Variants in MGAT4C observed in about 807,000 individuals in gnomAD.
The protein encoded by MGAT4C is MGAT4 family member C, also known as alpha-1,3-mannosyl-glycoprotein 4-beta-N-acetylglucosaminyltransferase C.
MGAT4C carries 19 observed loss-of-function variants against 40.1 expected under a neutral mutation model. The ratio of observed to expected loss-of-function variants is 0.47; its 90% confidence interval spans 0.33 to 0.70. MGAT4C has a LOEUF of 0.70. MGAT4C is among the 30% of genes least tolerant of loss of function. The probability of loss-of-function intolerance (pLI) is 0.02; values close to 1 mark genes in which losing one functional copy is unlikely to be tolerated. For synonymous variants in MGAT4C, 181 were observed against 187.1 expected (o/e 0.97, Z 0.27); for missense variants, 491 against 563.2 (o/e 0.87, Z 1.30).
intron 3 of MGAT4C, among the ~76,000 whole-genome samples, chr12:86,349,271 T>C (rs1212137692): frequency 6.6e-6 from 1 of 152,182 alleles, no homozygotes. Context: ...TACCCTTTTG[T>C]GGTCAGTGAA....
intron 4 of MGAT4C, among the ~76,000 whole-genome samples, chr12:86,282,142 T>C (rs1245033088): frequency 6.6e-6 from 1 of 152,184 alleles, no homozygotes; most frequent in Admixed American, 6.6e-5. Flanking sequence ...TGCAAAAAGA[T>C]GTTTTGCCAT....
rs904011289 is a variant in MGAT4C, at chr12:86,234,260, C to T, written c.-57+21979G>A. ...ATTTGAAATAGTGATAGAACATTAT[C>T]TTAGACTAATGTAGAGCCAGCATTT... On this transcript the variant is annotated intron_variant, in intron 1 of 4. Coordinates refer to ENST00000611864, the MANE Select transcript of MGAT4C (RefSeq NM_001351288.2). 1.2e-4 allele frequency among the ~76,000 whole-genome samples: 19 copies of T among 152,144 alleles called. No homozygotes were observed. The East Asian group carries it at 3.7e-3, about 29-fold the overall frequency.
chr12:86,737,327 T>TA (rs1300155614), intron 1 of MGAT4C, among the ~76,000 whole-genome samples: 1 of 143,966 alleles, frequency 6.9e-6, no homozygotes, highest in African/African-American at 2.5e-5. Flanking sequence ...TTGATGAGTC[T>TA]AGCCAACTAA....
At chr12:86,386,511 A>G (rs1213249306) in intron 3 of MGAT4C, among the ~76,000 whole-genome samples, 1 of 152,232 alleles carries the variant, frequency 6.6e-6, no homozygotes, top group Non-Finnish European at 1.5e-5. Context: ...GGACTTCACA[A>G]TCACAGTTGA....
At chr12:86,115,768 G>A (rs1878311102) in intron 1 of MGAT4C, among the ~76,000 whole-genome samples, 1 of 152,032 alleles carries the variant, frequency 6.6e-6, no homozygotes, top group Non-Finnish European at 1.5e-5. Flanking sequence ...ACAAGTAAGT[G>A]ATATGGTAGG....
chr12:86,489,295 G>A lies in MGAT4C; in HGVS notation c.-228-54030C>T, dbSNP rs1301889135. ...CCTTTCCAGCTCCCCTCCCCACTGAGAGCTGCTTTCATCACCCAGTAAAAT... is the reference window on the plus strand; with the variant it reads ...CCTTTCCAGCTCCCCTCCCCACTGAAAGCTGCTTTCATCACCCAGTAAAAT... On this transcript the variant is annotated intron_variant, in intron 2 of 7. Coordinates refer to the MGAT4C transcript ENST00000548651. Among the ~76,000 whole-genome samples, 7 of 152,218 alleles carry A rather than the reference G, an allele frequency of 4.6e-5. No individual in the cohort carries two copies. The East Asian group carries it at 1.2e-3, about 25-fold the overall frequency.
At chr12:86,832,477 C>A (rs1952949190) in intron 1 of MGAT4C, among the ~76,000 whole-genome samples, 1 of 151,794 alleles carries the variant, frequency 6.6e-6, no homozygotes, top group South Asian at 2.1e-4. Context: ...AGATAAGTCA[C>A]ATACTCTATG....
intron 1 of MGAT4C, among the ~76,000 whole-genome samples, chr12:86,838,117 A>C (rs912866826): frequency 1.3e-5 from 2 of 152,220 alleles, no homozygotes; most frequent in African/African-American, 4.8e-5. Flanking sequence ...GATATCTGTA[A>C]GGCAAACAAT....
chr12:86,583,176 C>T (rs776525530), intron 2 of MGAT4C, among the ~76,000 whole-genome samples: 8 of 151,156 alleles, frequency 5.3e-5, no homozygotes, highest in Admixed American at 3.3e-4. Flanking sequence ...AATAGCTTTA[C>T]GCCTTCAGGA....
intron 2 of MGAT4C, among the ~76,000 whole-genome samples, chr12:86,653,050 T>TTTTAATTTTAAATTTAAA (rs1963737348): frequency 6.6e-6 from 1 of 151,954 alleles, no homozygotes; most frequent in African/African-American, 2.4e-5. Context: ...TAATATTTTG[T>TTTTAATTTTAAATTTAAA]TTTAATTTTA....
intron 3 of MGAT4C, among the ~76,000 whole-genome samples, chr12:86,433,806 A>G (rs1419997745): frequency 6.6e-6 from 1 of 152,006 alleles, no homozygotes. Context: ...ATTCATTGTC[A>G]TTACTGACTC....
rs115109724 is a variant in MGAT4C, at chr12:86,180,862, A to C, written c.-57+75377T>G. On this transcript the variant is annotated intron_variant, in intron 1 of 4. Transcript: ENST00000611864. Reference sequence around the variant, plus strand: ...GGACTTTTGGGTTAATGTTGAAATGAGTTAAACCTTTGGGGGACTGTTGAG... The same window carrying C: ...GGACTTTTGGGTTAATGTTGAAATGCGTTAAACCTTTGGGGGACTGTTGAG... Among the ~76,000 whole-genome samples the C allele has an allele frequency of 3.2e-3, 489 of 152,282 alleles. 2 individuals are homozygous for C. The highest frequency in any genetic ancestry group is 0.011 in the African/African-American group (455 of 41,558).
chr12:86,025,705 C>T (rs891730846), intron 2 of MGAT4C, among the ~76,000 whole-genome samples: 1 of 151,496 alleles, frequency 6.6e-6, no homozygotes, highest in Non-Finnish European at 1.5e-5. Flanking sequence ...TTTTAATCCT[C>T]CTAGGACTCC....
At chr12:86,720,815 G>A (rs1482943210) in intron 2 of MGAT4C, among the ~76,000 whole-genome samples, 1 of 152,156 alleles carries the variant, frequency 6.6e-6, no homozygotes, top group East Asian at 1.9e-4. Flanking sequence ...TAGAGGCATT[G>A]TTTATAGAAA....
intron 2 of MGAT4C, among the ~76,000 whole-genome samples, chr12:86,589,967 A>G (rs1393036064): frequency 6.6e-6 from 1 of 151,998 alleles, no homozygotes; most frequent in Non-Finnish European, 1.5e-5. Context: ...ACAAAATACA[A>G]AATGTAAACA....
At chr12:85,983,468 A>G in intron 4 of MGAT4C, 55 bp downstream of exon 4, 1 of 1,408,508 alleles carries the variant, frequency 7.1e-7, no homozygotes, top group Non-Finnish European at 9.5e-7. Context: ...AACTATCATT[A>G]TTTTAATGCA....
chr12:86,338,484 C>T (rs201570140), intron 3 of MGAT4C, among the ~76,000 whole-genome samples: 2 of 152,222 alleles, frequency 1.3e-5, no homozygotes, highest in East Asian at 3.9e-4. Flanking sequence ...CAGTTGAGTT[C>T]CCCGGTAAGA....
chr12:86,041,527 C>A (rs942193588), intron 2 of MGAT4C, among the ~76,000 whole-genome samples: 7 of 152,072 alleles, frequency 4.6e-5, no homozygotes, highest in Non-Finnish European at 1.0e-4. Flanking sequence ...TATCTTTGTT[C>A]TCATAAGTTT....
intron 2 of MGAT4C, among the ~76,000 whole-genome samples, chr12:86,618,835 A>C (rs1962545472): frequency 6.6e-6 from 1 of 152,162 alleles, no homozygotes; most frequent in South Asian, 2.1e-4. Flanking sequence ...AATGTTCCCC[A>C]CACAAAGAAA....
Sources: allele counts gnomAD v4.1 joint callset (sites outside exome capture counted in the v4.1 genomes callset), GRCh38; gene constraint gnomAD v4.1.1; transcripts MANE v1.5; gene names NCBI Gene and HGNC (gene_info 2026-07-23, HGNC 2026-07-21).